The following PJVK variants were observed in gnomAD, a reference collection of about 807,000 sequenced individuals.
PJVK encodes the protein autosomal recessive deafness type 59 protein.
In PJVK, 33 loss-of-function variants were observed where a neutral mutation model predicts 37.6. The ratio of observed to expected loss-of-function variants is 0.88; its 90% CI spans 0.67 to 1.17. The LOEUF (loss-of-function observed/expected upper bound fraction) is 1.17, where lower values mean the gene tolerates loss of function less well. Ranked by LOEUF, PJVK falls within the 50% of genes most tolerant of loss-of-function variation. The probability of loss-of-function intolerance (pLI) is 0.00; values close to 1 mark genes in which losing one functional copy is unlikely to be tolerated. For synonymous variants in PJVK, 141 were observed against 143.5 expected, an observed-to-expected ratio of 0.98 and a Z score of 0.13; for missense variants, 410 against 413.8, an observed-to-expected ratio of 0.99 and a Z score of 0.08.
intron 3 of PJVK, chr2:178,454,980 C>T (rs1402886971): frequency 1.0e-6 from 1 of 975,298 alleles, no homozygotes; most frequent in African/African-American, 1.6e-5. Flanking sequence ...GGAGCTGGAC[C>T]TGGCGGTCCC....
At chr2:178,455,960 T>A in intron 3 of PJVK, 50 bp from the exon 4 acceptor site, 1 of 1,596,360 alleles carries the variant, frequency 6.3e-7, no homozygotes, top group South Asian at 1.1e-5. Flanking sequence ...TATTTGATTA[T>A]GTGTAATTAG....
chr2:178,460,904 T>C, intron 6 of PJVK, 78 bp from the exon 7 acceptor site: 1 of 1,116,628 alleles, frequency 9.0e-7, no homozygotes, highest in Non-Finnish European at 1.3e-6. Context: ...TGGATTCACA[T>C]ATTTATTAAT....
rs779435158 is a variant in PJVK at position 178,456,095 on chromosome 2, A to G, written c.493A>G (p.Thr165Ala). 1.9e-6 allele frequency: 3 copies of G among 1,614,212 alleles called. No homozygotes were observed. In the South Asian group the frequency reaches 3.3e-5, roughly 18 times the overall value. ...GTGTGTGGTCATGGAGAGCATCCGA[A>G]CCACACGACAGTGCTCACTGTCTGT... ...VLCVVMESIR[T>A]TRQCSLSVHA... The change falls in exon 4 of 7, where the codon ACC becomes GCC. Residue 165 changes from threonine (T) to alanine (A), a missense_variant. Thr to Ala is a moderately conservative substitution (Grantham distance 58). Coordinates refer to ENST00000644580, the MANE Select transcript of PJVK (RefSeq NM_001042702.5).
chr2:178,459,706 A>T (rs552351364), intron 5 of PJVK: 1 of 154,452 alleles, frequency 6.5e-6, no homozygotes, highest in Non-Finnish European at 1.5e-5. Context: ...AGGTTTTTAC[A>T]GTTTTATTGA....
intron 5 of PJVK, chr2:178,459,191 A>G (rs1419007513): frequency 4.2e-6 from 2 of 472,140 alleles, no homozygotes; most frequent in Non-Finnish European, 8.8e-6. Context: ...TACATTTCAC[A>G]GGTCTTTAAG....
intron 5 of PJVK, chr2:178,459,088 C>T (rs1684320140): frequency 2.1e-6 from 1 of 465,476 alleles, no homozygotes; most frequent in Non-Finnish European, 4.5e-6. Context: ...CTTCCCCTTG[C>T]ACTCTTCCTA....
intron 2 of PJVK, chr2:178,454,101 T>TA: frequency 2.3e-6 from 1 of 427,894 alleles, no homozygotes; most frequent in Non-Finnish European, 4.3e-6. Context: ...TCTTGATGCT[T>TA]AAGAAGTTCT....
chr2:178,456,169 G>A lies in PJVK; in HGVS notation c.549+18G>A, dbSNP rs760908810. ...CAATGCGGGTAAACCACACTTGTTG[G>A]GTTCTCTTACTAACTAAAGTGTTGC... On this transcript the variant is annotated intron_variant, in intron 4 of 6. Transcript: ENST00000644580. The A allele has an allele frequency of 6.2e-7, 1 of 1,612,488 alleles. No individual in the cohort carries two copies. The highest frequency in any genetic ancestry group is 2.2e-5 in the East Asian group (1 of 44,864).
At chr2:178,452,079 A>C (rs1200644467) in intron 1 of PJVK, among the ~76,000 whole-genome samples, 2 of 152,152 alleles carry the variant, frequency 1.3e-5, no homozygotes, top group Admixed American at 1.3e-4. Context: ...GATCGCCTGA[A>C]GTAAGCAGTT....
At chr2:178,453,837 A>G (rs940065252) in intron 2 of PJVK, 2 of 485,356 alleles carry the variant, frequency 4.1e-6, no homozygotes, top group African/African-American at 3.9e-5. Context: ...AAATCTATCA[A>G]TTATTTTATA....
intron 4 of PJVK, 99 bp downstream of exon 4, chr2:178,456,250 T>C (rs779768505): frequency 8.1e-6 from 12 of 1,485,856 alleles, no homozygotes; most frequent in Admixed American, 2.0e-5. Flanking sequence ...TTTTGTGAAA[T>C]GTTCTGATGA....
chr2:178,452,468 A>G (rs1436150949), intron 1 of PJVK: 24 of 985,196 alleles, frequency 2.4e-5, no homozygotes, highest in Non-Finnish European at 2.4e-5. Flanking sequence ...ATTACTATCC[A>G]TCACTGTTTT....
At chr2:178,453,193 C>T (rs960248519) in intron 1 of PJVK, 195 bp from the exon 2 acceptor site, 16 of 528,318 alleles carry the variant, frequency 3.0e-5, no homozygotes, top group Admixed American at 2.2e-4. Context: ...ATGCTCTTAG[C>T]ATATCATTTT....
At chr2:178,452,880 C>A in intron 1 of PJVK, 1 of 159,514 alleles carries the variant, frequency 6.3e-6, no homozygotes, top group Admixed American at 6.3e-5. Flanking sequence ...GAATGAAATG[C>A]TCAATCAATG....
chr2:178,455,285 A>G, intron 3 of PJVK: 2 of 1,407,820 alleles, frequency 1.4e-6, no homozygotes, highest in South Asian at 2.3e-5. Context: ...TGAGACTCAC[A>G]TCATGGTGGA....
intron 4 of PJVK, among the ~76,000 whole-genome samples, chr2:178,456,495 G>A (rs1684095787): frequency 6.6e-6 from 1 of 152,188 alleles, no homozygotes; most frequent in Non-Finnish European, 1.5e-5. Flanking sequence ...ACTGGGCACA[G>A]TGGCTCACGC....
chr2:178,451,923 G>C, intron 1 of PJVK, 154 bp downstream of exon 1: 1 of 800,432 alleles, frequency 1.2e-6, no homozygotes, highest in Non-Finnish European at 1.5e-6. Context: ...GGCACTAGCA[G>C]AAATGCTCCC....
At chr2:178,452,626 C>T (rs1697760029) in intron 1 of PJVK, 7 of 985,276 alleles carry the variant, frequency 7.1e-6, no homozygotes, top group Middle Eastern at 5.2e-4. Flanking sequence ...CTTTATATAG[C>T]TCTTGTTAAA....
At chr2:178,454,590 C>A in intron 3 of PJVK, 63 bp downstream of exon 3, 2 of 1,527,960 alleles carry the variant, frequency 1.3e-6, no homozygotes, top group Admixed American at 3.6e-5. Context: ...ATATAAACTT[C>A]ATTACAAAGA....
Sources: gnomAD v4.1 joint callset for allele counts (sites outside exome capture counted in the v4.1 genomes callset) on GRCh38, gnomAD v4.1.1 for gene constraint, MANE v1.5 for transcripts, NCBI Gene and HGNC (gene_info 2026-07-23, HGNC 2026-07-21) for gene names.